RBM6: variants seen among roughly 807,000 people sequenced by gnomAD.
RBM6 encodes RNA-binding protein 6.
Under a neutral mutation model 140.4 loss-of-function variants are expected in RBM6, and 23 were observed. The ratio of observed to expected loss-of-function variants is 0.16; its 90% CI spans 0.12 to 0.23. RBM6 has a LOEUF of 0.23. Among genes scored for constraint, RBM6 ranks in the 10% least tolerant of loss-of-function variants. The pLI is 1.00. For synonymous variants in RBM6, 439 were observed against 475.6 expected (o/e 0.92, Z 1.00); for missense variants, 1,139 against 1,386.7 (o/e 0.82, Z 2.84).
At chr3:50,049,528 G>A (rs763920071) in intron 7 of RBM6, among the ~76,000 whole-genome samples, 6 of 151,736 alleles carry the variant, frequency 4.0e-5, no homozygotes, top group Non-Finnish European at 8.8e-5. Context: ...TCTGAGCCCC[G>A]ACACACTAAA....
chr3:50,031,353 C>G (rs1258307310), intron 6 of RBM6, among the ~76,000 whole-genome samples: 1 of 152,086 alleles, frequency 6.6e-6, no homozygotes, highest in African/African-American at 2.4e-5. Flanking sequence ...CAATGATAGA[C>G]TGGATTAAGA....
At chr3:50,067,226 A>G (rs1302387742) in intron 17 of RBM6, among the ~76,000 whole-genome samples, 5 of 149,832 alleles carry the variant, frequency 3.3e-5, no homozygotes. Flanking sequence ...GCAGCAGCTT[A>G]TACAATCCTT....
chr3:49,992,684 C>G (rs2085881250), intron 5 of RBM6, among the ~76,000 whole-genome samples: 1 of 152,164 alleles, frequency 6.6e-6, no homozygotes, highest in Admixed American at 6.5e-5. Context: ...GTGTGTTATT[C>G]TAGTGATGAT....
intron 8 of RBM6, among the ~76,000 whole-genome samples, chr3:50,056,892 G>C (rs1221468596): frequency 6.6e-6 from 1 of 152,186 alleles, no homozygotes; most frequent in African/African-American, 2.4e-5. Flanking sequence ...AAGGAGCTAC[G>C]TGCAGATAGG....
chr3:50,051,097 T>C (rs1386595563), intron 7 of RBM6, among the ~76,000 whole-genome samples: 2 of 152,008 alleles, frequency 1.3e-5, no homozygotes, highest in Non-Finnish European at 2.9e-5. Context: ...CCCAACACTT[T>C]GGGAGGCTAA....
At position 50,062,111 on chromosome 3, in the gene RBM6, A is replaced by G. The variant is rs759813157; in HGVS notation, c.2586+3A>G. ...AAAAAGACAGAGGAGTGACGAGGGT[A>G]AGAGGAATTGTTAATTTGCTGTCTT... On this transcript the variant is annotated splice_donor_region_variant and intron_variant, in intron 15 of 20. Coordinates refer to ENST00000266022, the MANE Select transcript of RBM6 (RefSeq NM_005777.3). 5.6e-6 allele frequency: 9 copies of G among 1,611,178 alleles called. No individual in the cohort carries two copies. In the East Asian group the frequency reaches 1.3e-4, roughly 24 times the overall value.
chr3:49,955,667 A>G (rs893358941), intron 1 of RBM6, among the ~76,000 whole-genome samples: 24 of 151,542 alleles, frequency 1.6e-4, no homozygotes, highest in Non-Finnish European at 1.5e-5. Context: ...ACATGGTGAA[A>G]CCTCGTCTGT....
intron 6 of RBM6, among the ~76,000 whole-genome samples, chr3:50,023,100 C>CA (rs1354182040): frequency 3.3e-5 from 5 of 151,588 alleles, no homozygotes; most frequent in African/African-American, 4.8e-5. Context: ...GACCCTGTCT[C>CA]AAAAAAAAGA....
At chr3:50,049,597 G>A (rs761514120) in intron 7 of RBM6, among the ~76,000 whole-genome samples, 1 of 151,550 alleles carries the variant, frequency 6.6e-6, no homozygotes, top group African/African-American at 2.4e-5. Flanking sequence ...TGTTAGTCTC[G>A]GTAGAATTGA....
At chr3:50,046,234 TCGTGC>T (rs2089214547) in intron 6 of RBM6, among the ~76,000 whole-genome samples, 2 of 144,290 alleles carry the variant, frequency 1.4e-5, no homozygotes, top group African/African-American at 2.6e-5. Context: ...TGAGCCGAGA[TCGTGC>T]CACTGTACTT....
At chr3:50,031,338 T>A (rs953560912) in intron 6 of RBM6, among the ~76,000 whole-genome samples, 4 of 152,154 alleles carry the variant, frequency 2.6e-5, no homozygotes, top group Non-Finnish European at 4.4e-5. Flanking sequence ...AATCCAAATG[T>A]CCATCAATGA....
chr3:49,955,070 T>C (rs2083911431), intron 1 of RBM6, among the ~76,000 whole-genome samples: 1 of 151,986 alleles, frequency 6.6e-6, no homozygotes, highest in African/African-American at 2.4e-5. Flanking sequence ...TGCACATGTT[T>C]TTAAAACTTA....
chr3:49,942,534 A>G (rs2083332175), intron 1 of RBM6, among the ~76,000 whole-genome samples: 1 of 151,470 alleles, frequency 6.6e-6, no homozygotes, highest in African/African-American at 2.4e-5. Flanking sequence ...CAATGGTATT[A>G]ATTACATTCA....
Position 50,077,073 on chromosome 3 carries a change from C to G in RBM6, c.3312C>G (p.Asn1104Lys). The G allele has an allele frequency of 6.2e-7, 1 of 1,613,250 alleles. No individual in the cohort carries two copies. Among genetic ancestry groups the G allele is most frequent in the Non-Finnish European group, 8.5e-7 (1 of 1,179,838 alleles). The change falls in exon 21 of 21, where the codon AAC becomes AAG. Residue 1104 changes from asparagine to lysine, a missense_variant. By Grantham distance (94) the Asn-to-Lys change is moderately conservative (BLOSUM62 0). This residue lies in a region of RBM6 where 125 missense variants were observed against 142.0 expected (regional missense o/e 0.88). Coordinates refer to ENST00000266022, the MANE Select transcript of RBM6 (RefSeq NM_005777.3). The part of the protein sequence containing the change: ...ASGRTSKRQS[N>K]ETYRDAVRRV... ...GAAGAACCAGCAAAAGACAGTCCAA[C>G]GAGACTTACCGAGATGCTGTTCGAA...
chr3:49,983,491 A>G (rs141855167), intron 5 of RBM6, among the ~76,000 whole-genome samples: 11 of 152,320 alleles, frequency 7.2e-5, no homozygotes, highest in Non-Finnish European at 1.3e-4. Context: ...TGGTATCCCA[A>G]CTGGAGGAGC....
At chr3:49,952,851 A>C (rs945818908) in intron 1 of RBM6, among the ~76,000 whole-genome samples, 2 of 152,114 alleles carry the variant, frequency 1.3e-5, no homozygotes, top group African/African-American at 4.8e-5. Flanking sequence ...TTTAGATACA[A>C]GTCACTTACC....
At chr3:49,947,129 G>A (rs1482635058) in intron 1 of RBM6, among the ~76,000 whole-genome samples, 2 of 150,396 alleles carry the variant, frequency 1.3e-5, no homozygotes, top group African/African-American at 4.9e-5. Context: ...GCAGGCGCCT[G>A]TAGTCCCAGC....
At position 49,941,938 on chromosome 3, in the gene RBM6, CAA is replaced by C. The variant is rs113889758; in HGVS notation, c.-67+1724_-67+1725del. On this transcript the variant is annotated intron_variant, in intron 1 of 20. Coordinates refer to ENST00000266022, the MANE Select transcript of RBM6 (RefSeq NM_005777.3). ...CAAAACCCTGTCTCTACAAAAAATA[CAA>C]AAAAAAAAAATTAGCCAGGCGTGGT... is the stretch of plus-strand genomic sequence containing the variant. 1.7e-4 allele frequency among the ~76,000 whole-genome samples: 23 copies of C among 136,910 alleles called. No homozygotes were observed. In the East Asian group the frequency reaches 2.6e-3, roughly 16 times the overall value. 89.8% of individuals were successfully genotyped at this position (136,910 alleles called of 152,430 possible).
Position 49,968,391 on chromosome 3 carries a change from A to C in RBM6, c.966A>C (p.Ile322=). ...AAGAATCCACACATGACCATACGATAGAAAGGCCTGCTTTTGGCATTCAGA... is the reference window on the plus strand; with the variant it reads ...AAGAATCCACACATGACCATACGATCGAAAGGCCTGCTTTTGGCATTCAGA... ...RREESTHDHT[I]ERPAFGIQKG... The change falls in exon 3 of 21, where the codon ATA becomes ATC. Residue 322 remains isoleucine (I), a synonymous_variant. Coordinates refer to ENST00000266022, the MANE Select transcript of RBM6 (RefSeq NM_005777.3). 6.2e-7 allele frequency: 1 copy of C among 1,614,234 alleles called. No homozygotes were observed. The highest frequency in any genetic ancestry group is 8.5e-7 in the Non-Finnish European group (1 of 1,180,040).
Sources: gnomAD v4.1 joint callset for allele counts (sites outside exome capture counted in the v4.1 genomes callset) on GRCh38, gnomAD v4.1.1 for gene constraint, gnomAD v4.1.1 regional missense constraint, MANE v1.5 for transcripts, NCBI Gene and HGNC (gene_info 2026-07-23, HGNC 2026-07-21) for gene names.